The following FAP variants were observed in gnomAD, a reference collection of about 807,000 sequenced individuals.
FAP encodes the protein prolyl endopeptidase FAP.
FAP carries 110 observed loss-of-function variants against 126.5 expected under a neutral mutation model. The observed-to-expected ratio is 0.87, with a 90% CI of 0.74 to 1.02. The LOEUF is 1.02. Among genes scored for constraint, FAP ranks in the 50% least tolerant of loss-of-function variants. FAP has a pLI of 0.00. For synonymous variants in FAP, 334 were observed against 297.3 expected (o/e 1.12, Z -1.27); for missense variants, 919 against 909.2 (o/e 1.01, Z -0.14).
chr2:162,185,663 G>A (rs1687844613), intron 20 of FAP, among the ~76,000 whole-genome samples: 2 of 152,028 alleles, frequency 1.3e-5, no homozygotes, highest in Non-Finnish European at 2.9e-5. Context: ...AGTATTTACT[G>A]TTGTTTCCAA....
intron 21 of FAP, chr2:162,175,343 G>C (rs1687449272): frequency 6.5e-6 from 1 of 153,274 alleles, no homozygotes; most frequent in Non-Finnish European, 1.5e-5. Context: ...TGAAAGAGAT[G>C]CACAGAAAAA....
At chr2:162,209,806 G>C in intron 12 of FAP, 146 bp downstream of exon 12, 1 of 626,490 alleles carries the variant, frequency 1.6e-6, no homozygotes, top group Non-Finnish European at 2.8e-6. Context: ...AATCACTCAA[G>C]AGATCACTAC....
rs148953534 is a variant in FAP, at chr2:162,198,720, G to A, written c.1402+37C>T. 1.7e-4 allele frequency: 274 copies of A among 1,611,578 alleles called. 1 individual carries two copies. The African/African-American group carries it at 2.9e-3, about 17-fold the overall frequency. The stretch of plus-strand genomic sequence containing the variant: ...GGTGAGGAGGATGACAACCATGCCT[G>A]TGGGGATGCTGTGCTTATGTGAGGT... On this transcript the variant is annotated intron_variant, in intron 16 of 25. Coordinates refer to ENST00000188790, the MANE Select transcript of FAP (RefSeq NM_004460.5).
chr2:162,171,656 T>C (rs1417873151), intron 25 of FAP: 1 of 152,302 alleles, frequency 6.6e-6, no homozygotes, highest in East Asian at 1.9e-4. Context: ...CTAAGATTAT[T>C]GCTTTCACTG....
intron 11 of FAP, among the ~76,000 whole-genome samples, chr2:162,210,803 G>A (rs914437171): frequency 6.6e-6 from 1 of 152,080 alleles, no homozygotes; most frequent in Admixed American, 6.6e-5. Context: ...TATAATGTTT[G>A]GGAAAAGAAT....
chr2:162,188,376 C>G lies in FAP; in HGVS notation c.1620-13G>C, dbSNP rs200451968. The G allele has an allele frequency of 1.3e-4, 214 of 1,593,780 alleles. No homozygotes were observed. The African/African-American group carries it at 2.7e-3, about 20-fold the overall frequency. Reference sequence around the variant, plus strand: ...GGGACCACCATACCTAAAGGAAAAACAAAAAAAACAAGAATCTTTGATTGC... The same window carrying G: ...GGGACCACCATACCTAAAGGAAAAAGAAAAAAAACAAGAATCTTTGATTGC... On this transcript the variant is annotated splice_polypyrimidine_tract_variant and intron_variant, in intron 19 of 25. Transcript: ENST00000188790.
chr2:162,197,468 C>A (rs765364666), intron 16 of FAP: 1 of 438,612 alleles, frequency 2.3e-6, no homozygotes. Context: ...CCTTTAAATG[C>A]CAGTAACCAC....
At chr2:162,219,739 A>G (rs1689305697) in intron 7 of FAP, 114 bp downstream of exon 7, 5 of 745,818 alleles carry the variant, frequency 6.7e-6, no homozygotes, top group Non-Finnish European at 1.2e-5. Flanking sequence ...AACCACTAAA[A>G]TAGTCATGAA....
rs538135697 is a variant in FAP at position 162,179,786 on chromosome 2, CTATCTA to C, written c.1869+3622_1869+3627del. On this transcript the variant is annotated intron_variant, in intron 21 of 25. Transcript: ENST00000188790. ...TCTATCTATCTATCTATCTATCTATCTATCTATATATATATATATATATATATTTTT... is the reference window on the plus strand; with the variant it reads ...TCTATCTATCTATCTATCTATCTATCTATATATATATATATATATATTTTT... 9.0e-3 allele frequency among the ~76,000 whole-genome samples: 574 copies of C among 63,524 alleles called. 11 individuals are homozygous for C. In the South Asian group the frequency reaches 0.15, roughly 17 times the overall value. 41.7% of individuals were successfully genotyped at this position (63,524 alleles called of 152,430 possible).
chr2:162,185,058 A>C (rs1448101689), intron 20 of FAP, among the ~76,000 whole-genome samples: 1 of 152,228 alleles, frequency 6.6e-6, no homozygotes, highest in Non-Finnish European at 1.5e-5. Flanking sequence ...AGATAATCTT[A>C]GCACTTCCAG....
At chr2:162,193,569 A>T (rs1688131532) in intron 17 of FAP, 3 of 152,156 alleles carry the variant, frequency 2.0e-5, no homozygotes, top group African/African-American at 7.2e-5. Flanking sequence ...GCTAATAGTG[A>T]TTTCTATTAA....
intron 20 of FAP, among the ~76,000 whole-genome samples, chr2:162,186,503 C>T (rs1250840419): frequency 6.6e-6 from 1 of 151,970 alleles, no homozygotes; most frequent in African/African-American, 2.4e-5. Context: ...TTCTTAGGTT[C>T]AAATGGTGCA....
At chr2:162,235,279 C>T (rs1224909768) in intron 2 of FAP, among the ~76,000 whole-genome samples, 1 of 152,148 alleles carries the variant, frequency 6.6e-6, no homozygotes, top group Non-Finnish European at 1.5e-5. Context: ...CCATGGATGG[C>T]CCAAGGGCTG....
intron 17 of FAP, among the ~76,000 whole-genome samples, chr2:162,192,596 T>C (rs1688090101): frequency 1.3e-5 from 2 of 152,138 alleles, no homozygotes; most frequent in African/African-American, 2.4e-5. Context: ...AGTTACCACA[T>C]GCTCCATAAA....
chr2:162,242,724 T>G (rs1690401126), intron 2 of FAP, among the ~76,000 whole-genome samples, 184 bp downstream of exon 2: 1 of 152,182 alleles, frequency 6.6e-6, no homozygotes, highest in Non-Finnish European at 1.5e-5. Context: ...TACCCATGCC[T>G]TAAATTCCTC....
At chr2:162,206,276 C>T (rs1478882703) in intron 12 of FAP, among the ~76,000 whole-genome samples, 1 of 152,214 alleles carries the variant, frequency 6.6e-6, no homozygotes, top group Non-Finnish European at 1.5e-5. Flanking sequence ...TAAGCACCCA[C>T]ACCAAGTTGT....
At chr2:162,232,724 A>C (rs1689948817) in intron 2 of FAP, among the ~76,000 whole-genome samples, 1 of 152,194 alleles carries the variant, frequency 6.6e-6, no homozygotes, top group Admixed American at 6.5e-5. Context: ...AAAATAGCCC[A>C]TTTGTGTGTT....
Position 162,171,052 on chromosome 2 carries a change from G to A in FAP, c.2210C>T (p.Ser737Phe). Residue 737 changes from serine to phenylalanine, a missense_variant, in exon 26 of 26, where the codon TCC (serine) becomes TTC (phenylalanine). By Grantham distance (155) the Ser-to-Phe change is radical. Coordinates refer to ENST00000188790, the MANE Select transcript of FAP (RefSeq NM_004460.5). ...MWYSDQNHGLSGLSTNHLYTH... is the reference protein window; with the variant it reads ...MWYSDQNHGLFGLSTNHLYTH... ...GTATAAGTGGTTCGTGGACAGGCCG[G>A]ATAAGCCGTGGTTCTGGTCAGAGTA... 1 of 1,613,132 alleles carries A rather than the reference G, an allele frequency of 6.2e-7. No individual in the cohort carries two copies. Among genetic ancestry groups the A allele is most frequent in the South Asian group, 1.1e-5 (1 of 91,056 alleles).
At chr2:162,196,047 C>G (rs1688241662) in intron 16 of FAP, among the ~76,000 whole-genome samples, 1 of 152,150 alleles carries the variant, frequency 6.6e-6, no homozygotes, top group Admixed American at 6.6e-5. Context: ...TGCTTTTGAT[C>G]CGTTCCTCAG....
Sources: allele counts gnomAD v4.1 joint callset (sites outside exome capture counted in the v4.1 genomes callset), GRCh38; gene constraint gnomAD v4.1.1; transcripts MANE v1.5; gene names NCBI Gene and HGNC (gene_info 2026-07-23, HGNC 2026-07-21).